Variants in ENTPD5 observed in about 807,000 individuals in gnomAD.
The protein encoded by ENTPD5 is nucleoside diphosphate phosphatase ENTPD5.
Under a neutral mutation model 60.2 loss-of-function variants are expected in ENTPD5, and 49 were observed. The observed-to-expected ratio is 0.81, with a 90% CI of 0.65 to 1.03. The LOEUF (loss-of-function observed/expected upper bound fraction) is 1.03. Among genes scored for constraint, ENTPD5 ranks in the 50% least tolerant of loss-of-function variants. The probability of loss-of-function intolerance (pLI) is 0.00; values close to 1 mark genes in which losing one functional copy is unlikely to be tolerated. For synonymous variants in ENTPD5, 187 were observed against 185.4 expected (o/e 1.01, Z -0.07); for missense variants, 480 against 507.6 (o/e 0.95, Z 0.52).
chr14:73,982,896 AC>A, intron 6 of ENTPD5, 121 bp downstream of exon 6: 1 of 978,264 alleles, frequency 1.0e-6, no homozygotes, highest in Non-Finnish European at 1.5e-6. Context: ...CAGAGTCATC[AC>A]AATGCTTTGG....
chr14:73,969,635 C>T (rs556749417), intron 15 of ENTPD5, among the ~76,000 whole-genome samples: 2 of 151,974 alleles, frequency 1.3e-5, no homozygotes, highest in East Asian at 1.9e-4. Flanking sequence ...ACCCAGGAGG[C>T]GAAGGTTGCA....
At chr14:73,976,471 C>G (rs1336938642) in intron 8 of ENTPD5, 59 bp from the exon 9 acceptor site, 1 of 1,329,800 alleles carries the variant, frequency 7.5e-7, no homozygotes, top group Non-Finnish European at 1.1e-6. Flanking sequence ...CAACACTTGT[C>G]TCTCTTGCTC....
At chr14:73,959,585 T>A, downstream of ENTPD5, 2 of 1,612,814 alleles carry the variant, frequency 1.2e-6, no homozygotes, top group Non-Finnish European at 1.7e-6. Context: ...GGTGTTGTTT[T>A]TTTTTTTTTG....
At chr14:73,962,839 A>ATAT (rs2056811742), downstream of ENTPD5, 7 of 750,438 alleles carry the variant, frequency 9.3e-6, no homozygotes, top group Middle Eastern at 3.7e-4. Flanking sequence ...ATATGTATGT[A>ATAT]TATTTTTCTT....
downstream of ENTPD5, chr14:73,955,475 G>C: frequency 6.2e-7 from 1 of 1,614,138 alleles, no homozygotes; most frequent in South Asian, 1.1e-5. Context: ...GACCATATCT[G>C]CAACATGAGA....
At chr14:73,961,206 A>G, downstream of ENTPD5, 4 of 1,614,014 alleles carry the variant, frequency 2.5e-6, no homozygotes, top group Non-Finnish European at 3.4e-6. Context: ...CTTCATCGAC[A>G]CAGCTGGTGC....
chr14:73,986,091 A>G (rs1045776460), intron 5 of ENTPD5: 8 of 152,018 alleles, frequency 5.3e-5, no homozygotes, highest in African/African-American at 1.7e-4. Flanking sequence ...AAAAAAAGAA[A>G]AAGAAGAAAA....
downstream of ENTPD5, chr14:73,956,831 T>TA (rs1169861569): frequency 2.0e-5 from 3 of 152,166 alleles, no homozygotes; most frequent in African/African-American, 7.2e-5. Context: ...TGCTTTTTGA[T>TA]ATTGGATAGT....
At chr14:73,967,667 G>A (rs2057035764) in intron 15 of ENTPD5, among the ~76,000 whole-genome samples, 2 of 151,884 alleles carry the variant, frequency 1.3e-5, no homozygotes, top group Non-Finnish European at 2.9e-5. Flanking sequence ...AAGAGTGGTG[G>A]CACACACCTG....
intron 6 of ENTPD5, among the ~76,000 whole-genome samples, chr14:73,980,721 G>C (rs1253879911): frequency 6.6e-6 from 1 of 152,172 alleles, no homozygotes; most frequent in African/African-American, 2.4e-5. Context: ...ATGAGATTCT[G>C]CTTATATTCT....
chr14:74,009,450 T>C (rs1255117891), intron 3 of ENTPD5, among the ~76,000 whole-genome samples: 4 of 152,194 alleles, frequency 2.6e-5, no homozygotes, highest in African/African-American at 4.8e-5. Flanking sequence ...GCTTCAAACA[T>C]GTTAAATCAA....
intron 11 of ENTPD5, 28 bp downstream of exon 11, chr14:73,974,896 C>G (rs747110863): frequency 1.1e-5 from 18 of 1,590,260 alleles, no homozygotes; most frequent in Non-Finnish European, 1.4e-5. Context: ...CCTCACCATC[C>G]CCCCCCAGCA....
chr14:74,007,361 A>G (rs2058711105), intron 3 of ENTPD5, among the ~76,000 whole-genome samples: 1 of 149,204 alleles, frequency 6.7e-6, no homozygotes, highest in African/African-American at 2.4e-5. Context: ...CTCTACTAAA[A>G]ATATAAAAAA....
chr14:73,969,431 G>T (rs367772898), intron 15 of ENTPD5, among the ~76,000 whole-genome samples: 2 of 152,136 alleles, frequency 1.3e-5, no homozygotes, highest in African/African-American at 4.8e-5. Context: ...AGTGGCTCAC[G>T]CCTGTAATCC....
chr14:73,967,799 CAAAAAAA>C (rs33926682), intron 15 of ENTPD5, among the ~76,000 whole-genome samples: 1 of 97,842 alleles, frequency 1.0e-5, no homozygotes, highest in African/African-American at 4.1e-5. Context: ...GACCCTGTCT[CAAAAAAA>C]AAAAAAAAAA....
downstream of ENTPD5, chr14:73,959,662 C>T (rs149450319): frequency 4.7e-5 from 68 of 1,455,888 alleles, no homozygotes; most frequent in Middle Eastern, 2.0e-4. Context: ...CTCCGCCTCC[C>T]GGGTTCAAGC....
chr14:73,988,978 C>G (rs952226754), intron 3 of ENTPD5, among the ~76,000 whole-genome samples: 3 of 152,142 alleles, frequency 2.0e-5, no homozygotes, highest in Non-Finnish European at 2.9e-5. Context: ...GACCCACCAC[C>G]ATGCCCAGCT....
At chr14:73,994,324 A>C (rs1366562225) in intron 3 of ENTPD5, among the ~76,000 whole-genome samples, 1 of 151,738 alleles carries the variant, frequency 6.6e-6, no homozygotes, top group African/African-American at 2.4e-5. Context: ...ATGGGGTTTC[A>C]CCATGTTGGC....
Position 73,972,928 on chromosome 14 carries a change from G to C in ENTPD5, c.983C>G (p.Ala328Gly). 2.5e-6 allele frequency: 4 copies of C among 1,614,232 alleles called. No homozygotes were observed. Among genetic ancestry groups the C allele is most frequent in the Non-Finnish European group, 3.4e-6 (4 of 1,180,042 alleles). ...AGCTCGGTCATAATAGTAAGAGAAA[G>C]CATAGAAGGAACCTCTCTGGACCTC... ...PEEVQRGSFYAFSYYYDRAVD... is the reference protein window; with the variant it reads ...PEEVQRGSFYGFSYYYDRAVD... The change falls in exon 13 of 16, where the codon GCT becomes GGT. Residue 328 changes from alanine to glycine, a missense_variant. Ala to Gly is a moderately conservative substitution (Grantham distance 60). Coordinates refer to ENST00000334696, the MANE Select transcript of ENTPD5 (RefSeq NM_001249.5).
Sources: allele counts gnomAD v4.1 joint callset (sites outside exome capture counted in the v4.1 genomes callset), GRCh38; gene constraint gnomAD v4.1.1; transcripts MANE v1.5; gene names NCBI Gene and HGNC (gene_info 2026-07-23, HGNC 2026-07-21).